The following NR3C1 variants were observed in gnomAD, a reference collection of about 807,000 sequenced individuals.
NR3C1 encodes the protein glucocorticoid receptor.
In NR3C1, 14 loss-of-function variants were observed where a neutral mutation model predicts 74.0. The observed-to-expected ratio is 0.19, with a 90% confidence interval of 0.12 to 0.30. The LOEUF is 0.30. Among genes scored for constraint, NR3C1 ranks in the 10% least tolerant of loss-of-function variants. The pLI, the probability that NR3C1 is intolerant of heterozygous loss-of-function variation, is 1.00. For synonymous variants in NR3C1, 308 were observed against 332.5 expected (o/e 0.93, Z 0.80); for missense variants, 695 against 909.8 (o/e 0.76, Z 3.04).
intron 2 of NR3C1, among the ~76,000 whole-genome samples, chr5:143,395,184 A>G (rs1838972210): frequency 6.6e-6 from 1 of 152,000 alleles, no homozygotes; most frequent in African/African-American, 2.4e-5. Flanking sequence ...GGAAAGGAAC[A>G]CTTAGTAGAC....
Position 143,333,767 on chromosome 5 carries a change from A to G in NR3C1, c.1185-19599T>C, listed in dbSNP as rs185511830. On this transcript the variant is annotated intron_variant, in intron 2 of 8. Coordinates refer to ENST00000394464, the MANE Select transcript of NR3C1 (RefSeq NM_000176.3). ...GGGCGACAGAGCGAGACTCCATCTC[A>G]AAAAACAAACAAACAAACAAACAAA... Among the ~76,000 whole-genome samples, 825 of 152,090 alleles carry G rather than the reference A, an allele frequency of 5.4e-3. 5 individuals carry two copies. Among genetic ancestry groups the G allele is most frequent in the East Asian group, 0.022 (116 of 5,178 alleles).
intron 2 of NR3C1, among the ~76,000 whole-genome samples, chr5:143,376,307 G>A (rs1157105720): frequency 6.6e-6 from 1 of 152,228 alleles, no homozygotes; most frequent in African/African-American, 2.4e-5. Context: ...CAGCGGGAAA[G>A]AACTGTGGAT....
intron 1 of NR3C1, among the ~76,000 whole-genome samples, chr5:143,413,698 G>C (rs1261067076): frequency 6.6e-6 from 1 of 152,066 alleles, no homozygotes; most frequent in African/African-American, 2.4e-5. Flanking sequence ...TCCTGGGAGG[G>C]GTTTCACTGG....
At chr5:143,401,608 C>T (rs1222189663) in intron 1 of NR3C1, among the ~76,000 whole-genome samples, 1 of 152,154 alleles carries the variant, frequency 6.6e-6, no homozygotes, top group Non-Finnish European at 1.5e-5. Context: ...AGTAGTTTCT[C>T]ACTACGTTGT....
At chr5:143,320,102 C>A (rs1267053073) in intron 2 of NR3C1, among the ~76,000 whole-genome samples, 1 of 152,194 alleles carries the variant, frequency 6.6e-6, no homozygotes, top group Non-Finnish European at 1.5e-5. Context: ...CAGCTGCACA[C>A]ACCAGGTGAT....
intron 2 of NR3C1, among the ~76,000 whole-genome samples, chr5:143,350,985 A>T (rs763114482): frequency 8.5e-5 from 13 of 152,090 alleles, no homozygotes; most frequent in Non-Finnish European, 1.6e-4. Context: ...GAAGCAGAAA[A>T]CCAGTGATTC....
chr5:143,372,593 G>T (rs1834415025), intron 2 of NR3C1, among the ~76,000 whole-genome samples: 2 of 152,186 alleles, frequency 1.3e-5, no homozygotes, highest in Non-Finnish European at 2.9e-5. Context: ...AGATAAGGCG[G>T]ACTACTGCAT....
chr5:143,374,312 G>A (rs1351404387), intron 2 of NR3C1, among the ~76,000 whole-genome samples: 1 of 152,128 alleles, frequency 6.6e-6, no homozygotes, highest in East Asian at 1.9e-4. Flanking sequence ...CTAACACAGT[G>A]AAACCCCGAC....
At chr5:143,353,358 AT>A (rs2151792207) in intron 2 of NR3C1, among the ~76,000 whole-genome samples, 1 of 152,296 alleles carries the variant, frequency 6.6e-6, no homozygotes, top group South Asian at 2.1e-4. Flanking sequence ...CCTCCTGCGA[AT>A]CACAAATTCT....
At chr5:143,321,514 G>A (rs1026022497) in intron 2 of NR3C1, among the ~76,000 whole-genome samples, 1 of 152,082 alleles carries the variant, frequency 6.6e-6, no homozygotes, top group African/African-American at 2.4e-5. Flanking sequence ...TCTGGCACTG[G>A]CTTCTCTTTC....
Position 143,403,289 on chromosome 5 carries a change from CAGAAGGAGCAGGAGGGAA to C in NR3C1, c.-110_-93del, listed in dbSNP as rs1204230928. ...AGATAAACAACTTAGCTTGTGAACG[CAGAAGGAGCAGGAGGGAA>C]ATATATTTTTTTTTTCTAAAAAAAG... On this transcript the variant is annotated 5_prime_UTR_variant, in exon 1 of 9. In the 5' UTR this introduces an upstream ATG that the reference lacks. Coordinates refer to ENST00000394464, the MANE Select transcript of NR3C1 (RefSeq NM_000176.3). 3.6e-4 allele frequency: 353 copies of C among 985,406 alleles called. No homozygotes were observed. The highest frequency in any genetic ancestry group is 4.1e-4 in the Non-Finnish European group (344 of 830,052). The allele number at this position is 985,406 out of a possible 1,614,324, so 61.0% of individuals were successfully genotyped here.
rs61757442 is a variant in NR3C1 at position 143,414,237 on chromosome 5, G to A, written c.-13-13385C>T. On this transcript the variant is annotated intron_variant, in intron 1 of 8. Coordinates refer to the NR3C1 transcript ENST00000343796. Reference sequence around the variant, plus strand: ...TTACAACTTTTAAGCTAGTTTTATCGTCTTCCACTGAAGGAGTTTGTCTCA... The same window carrying A: ...TTACAACTTTTAAGCTAGTTTTATCATCTTCCACTGAAGGAGTTTGTCTCA... Among the ~76,000 whole-genome samples, 695 of 152,206 alleles carry A rather than the reference G, an allele frequency of 4.6e-3. 13 individuals are homozygous for A. Among genetic ancestry groups the A allele is most frequent in the African/African-American group, 0.016 (670 of 41,516 alleles).
At chr5:143,282,280 C>T (rs1813269904) in intron 8 of NR3C1, among the ~76,000 whole-genome samples, 1 of 152,070 alleles carries the variant, frequency 6.6e-6, no homozygotes, top group African/African-American at 2.4e-5. Flanking sequence ...ATGAAGGGTG[C>T]ATTATTCTAA....
intron 2 of NR3C1, among the ~76,000 whole-genome samples, chr5:143,370,279 T>C (rs964175476): frequency 1.7e-4 from 26 of 152,200 alleles, no homozygotes; most frequent in African/African-American, 6.3e-4. Flanking sequence ...TATAGCACCT[T>C]GGAATAGCAG....
chr5:143,402,273 T>TA (rs1459097061), intron 1 of NR3C1, among the ~76,000 whole-genome samples: 1 of 152,156 alleles, frequency 6.6e-6, no homozygotes, highest in Non-Finnish European at 1.5e-5. Context: ...CAATATTTCC[T>TA]AAAACGAAAA....
intron 4 of NR3C1, among the ~76,000 whole-genome samples, chr5:143,302,726 C>G (rs1261884800): frequency 2.0e-5 from 3 of 152,038 alleles, no homozygotes; most frequent in Non-Finnish European, 2.9e-5. Context: ...CTGTGCTGTA[C>G]TGACTAGAGC....
In NR3C1 at chr5:143,314,318, T is replaced by C. The variant is rs10482666; in HGVS notation, c.1185-150A>G. On this transcript the variant is annotated intron_variant, in intron 2 of 8. Transcript: ENST00000394464. ...CACTAAAATATCCTAGCTAAATATA[T>C]TCAAATCATGTTATATTCTTCTTTA... 2.7e-5 allele frequency: 21 copies of C among 768,388 alleles called. No homozygotes were observed. In the East Asian group the frequency reaches 5.7e-4, roughly 21 times the overall value. The allele number at this position is 768,388 out of a possible 1,614,324, so 47.6% of individuals were successfully genotyped here. A position where few individuals can be genotyped will look rare whatever the true frequency, so the allele number is the denominator to read the frequency against.
At chr5:143,419,404 T>TGGGAG (rs1751097983) in intron 1 of NR3C1, among the ~76,000 whole-genome samples, 4 of 152,204 alleles carry the variant, frequency 2.6e-5, no homozygotes, top group African/African-American at 9.6e-5. Context: ...AAATGTGGCA[T>TGGGAG]TCCATGCAAT....
Position 143,435,422 on chromosome 5 carries a change from C to T in NR3C1, c.-904G>A, listed in dbSNP as rs61757429. On this transcript the variant is annotated 5_prime_UTR_variant, in exon 1 of 9. Transcript: ENST00000343796. ...AAGTGATTCGCCTCTACTCAAATGT[C>T]TGCATAGGCACAAGAATGAGGGCGA... 26 of 985,434 alleles carry T rather than the reference C, an allele frequency of 2.6e-5. No homozygotes were observed. In the African/African-American group the frequency reaches 4.2e-4, roughly 16 times the overall value. 61.0% of individuals were successfully genotyped at this position (985,434 alleles called of 1,614,324 possible).
Sources: allele counts gnomAD v4.1 joint callset (sites outside exome capture counted in the v4.1 genomes callset), GRCh38; gene constraint gnomAD v4.1.1; transcripts MANE v1.5; gene names NCBI Gene and HGNC (gene_info 2026-07-23, HGNC 2026-07-21).